The following MKLN1 variants were observed in gnomAD, a reference collection of about 807,000 sequenced individuals.
MKLN1 encodes muskelin 1, also known as muskelin.
A neutral mutation model predicts 99.0 loss-of-function variants in MKLN1; 18 were observed. That is an observed-to-expected ratio of 0.18 (90% CI 0.13 to 0.27). The LOEUF is 0.27. MKLN1 is among the 10% of genes least tolerant of loss of function. The pLI is 1.00. For synonymous variants in MKLN1, 288 were observed against 293.2 expected, an observed-to-expected ratio of 0.98 and a Z score of 0.18; for missense variants, 621 against 875.9, an observed-to-expected ratio of 0.71 and a Z score of 3.67.
At chr7:131,257,660 C>T (rs1163637088) in intron 3 of MKLN1, among the ~76,000 whole-genome samples, 2 of 152,006 alleles carry the variant, frequency 1.3e-5, no homozygotes, top group Non-Finnish European at 2.9e-5. Context: ...AAACTTTATC[C>T]CATCTCAGAG....
intron 12 of MKLN1, among the ~76,000 whole-genome samples, chr7:131,457,636 C>T (rs916164029): frequency 1.3e-5 from 2 of 152,116 alleles, no homozygotes; most frequent in Non-Finnish European, 2.9e-5. Flanking sequence ...AAATTTAAGC[C>T]CGGGCACGGG....
At chr7:131,466,935 GCA>G (rs1491027670) in intron 15 of MKLN1, among the ~76,000 whole-genome samples, 4 of 150,006 alleles carry the variant, frequency 2.7e-5, no homozygotes, top group East Asian at 3.9e-4. Flanking sequence ...GCGCGCGCGC[GCA>G]CACACGCACG....
At chr7:131,486,539 T>C (rs564214868) in intron 17 of MKLN1, among the ~76,000 whole-genome samples, 1 of 152,246 alleles carries the variant, frequency 6.6e-6, no homozygotes, top group East Asian at 1.9e-4. Flanking sequence ...TTTACAAGAC[T>C]AAAACAGGTT....
At chr7:131,312,551 A>G (rs552878475) in intron 3 of MKLN1, among the ~76,000 whole-genome samples, 7 of 152,234 alleles carry the variant, frequency 4.6e-5, no homozygotes, top group African/African-American at 1.7e-4. Context: ...AACCTTTTAC[A>G]ACTTGCTTAC....
intron 1 of MKLN1, among the ~76,000 whole-genome samples, chr7:131,134,685 C>A (rs1189424824): frequency 6.6e-6 from 1 of 152,148 alleles, no homozygotes; most frequent in Non-Finnish European, 1.5e-5. Flanking sequence ...ACTTTTAAAT[C>A]CCCCTTGGAC....
intron 3 of MKLN1, among the ~76,000 whole-genome samples, chr7:131,225,777 T>C (rs1797138095): frequency 6.6e-6 from 1 of 152,204 alleles, no homozygotes; most frequent in South Asian, 2.1e-4. Context: ...GGCTTGGCCT[T>C]CGAGGAAGAC....
chr7:131,484,842 C>T (rs1482823347), intron 17 of MKLN1, among the ~76,000 whole-genome samples: 1 of 151,042 alleles, frequency 6.6e-6, no homozygotes, highest in Non-Finnish European at 1.5e-5. Context: ...CAAATGAGTA[C>T]ATATGATGTT....
chr7:131,171,354 A>G (rs562983524), intron 2 of MKLN1, among the ~76,000 whole-genome samples: 4 of 152,274 alleles, frequency 2.6e-5, no homozygotes, highest in African/African-American at 7.2e-5. Context: ...GCAAATTGGA[A>G]GAAGGGCAAT....
chr7:131,143,535 T>A (rs1795771498), intron 2 of MKLN1, among the ~76,000 whole-genome samples: 1 of 151,636 alleles, frequency 6.6e-6, no homozygotes, highest in Admixed American at 6.6e-5. Flanking sequence ...TAGAGAAAAG[T>A]GGATTTTTGG....
In MKLN1 at chr7:131,489,325, G is replaced by A. The variant is rs1033403414; in HGVS notation, c.*1597G>A. Reference sequence around the variant, plus strand: ...CTAGCATCCCAAAGCAGTCAACAGTGATTTCTTAAGCAATTTGATCTGTAC... The same window carrying A: ...CTAGCATCCCAAAGCAGTCAACAGTAATTTCTTAAGCAATTTGATCTGTAC... On this transcript the variant is annotated 3_prime_UTR_variant, in exon 18 of 18. Transcript: ENST00000352689. 2.6e-5 allele frequency: 4 copies of A among 152,126 alleles called. No homozygotes were observed. Among genetic ancestry groups the A allele is most frequent in the Non-Finnish European group, 4.4e-5 (3 of 68,026 alleles). 9.4% of individuals were successfully genotyped at this position (152,126 alleles called of 1,614,324 possible). A position where few individuals can be genotyped will look rare whatever the true frequency, so the allele number is the denominator to read the frequency against.
At chr7:131,160,644 G>T (rs2116311375) in intron 2 of MKLN1, among the ~76,000 whole-genome samples, 1 of 149,402 alleles carries the variant, frequency 6.7e-6, no homozygotes, top group African/African-American at 2.5e-5. Flanking sequence ...TCAGCCTCCT[G>T]AGTAGCTGGG....
chr7:131,206,140 G>A (rs6978042), intron 3 of MKLN1, among the ~76,000 whole-genome samples: 70,521 of 151,914 alleles, frequency 0.46, 17,099 homozygotes, highest in South Asian at 0.61. Context: ...GTGATCCACC[G>A]CCTCAGCCTC....
chr7:131,396,065 AAT>A (rs200317255), intron 4 of MKLN1, among the ~76,000 whole-genome samples: 1 of 149,918 alleles, frequency 6.7e-6, no homozygotes, highest in Non-Finnish European at 1.5e-5. Flanking sequence ...TTTTCAATTG[AAT>A]ATATATATAT....
chr7:131,259,096 C>T (rs1797696941), intron 3 of MKLN1, among the ~76,000 whole-genome samples: 2 of 152,100 alleles, frequency 1.3e-5, no homozygotes, highest in African/African-American at 4.8e-5. Context: ...CTCTTTTGAA[C>T]TTTCTTTTTG....
chr7:131,143,465 CA>C (rs199888067), intron 2 of MKLN1, among the ~76,000 whole-genome samples: 3 of 150,696 alleles, frequency 2.0e-5, no homozygotes, highest in Non-Finnish European at 3.0e-5. Flanking sequence ...GACTCCATCT[CA>C]AAAAAAAGAA....
At chr7:131,186,088 G>T (rs1428917059) in intron 2 of MKLN1, among the ~76,000 whole-genome samples, 1 of 152,056 alleles carries the variant, frequency 6.6e-6, no homozygotes, top group Non-Finnish European at 1.5e-5. Context: ...GCTATCAGGA[G>T]ACTGAGACAG....
intron 1 of MKLN1, among the ~76,000 whole-genome samples, chr7:131,111,490 C>T (rs1164161075): frequency 1.3e-5 from 2 of 152,204 alleles, no homozygotes; most frequent in African/African-American, 4.8e-5. Flanking sequence ...TCTCGTAGCA[C>T]TAGCTGGTAA....
intron 3 of MKLN1, among the ~76,000 whole-genome samples, chr7:131,293,944 A>T (rs10262199): frequency 1.4e-3 from 208 of 152,048 alleles, no homozygotes; most frequent in African/African-American, 4.7e-3. Context: ...TCTTTGTTGT[A>T]GGGGGCTGTC....
intron 2 of MKLN1, among the ~76,000 whole-genome samples, chr7:131,180,211 G>A (rs1796359169): frequency 6.6e-6 from 1 of 152,090 alleles, no homozygotes; most frequent in Non-Finnish European, 1.5e-5. Context: ...TAAATATATT[G>A]CTTCTGAAAG....
Sources: allele counts gnomAD v4.1 joint callset (sites outside exome capture counted in the v4.1 genomes callset), GRCh38; gene constraint gnomAD v4.1.1; transcripts MANE v1.5; gene names NCBI Gene and HGNC (gene_info 2026-07-23, HGNC 2026-07-21).